Variants in CPVL observed in about 807,000 individuals in gnomAD.
CPVL encodes the protein probable serine carboxypeptidase CPVL.
A neutral mutation model predicts 63.7 loss-of-function variants in CPVL; 51 were observed. The observed-to-expected ratio is 0.80, with a 90% CI of 0.64 to 1.01. The LOEUF (loss-of-function observed/expected upper bound fraction) is 1.01, where lower values mean the gene tolerates loss of function less well. Ranked by LOEUF, CPVL falls within the 50% of genes least tolerant of loss-of-function variation. The pLI is 0.00. For missense variants in CPVL, 530 were observed against 573.1 expected (o/e 0.92, Z 0.77); for synonymous variants, 195 against 206.0 (o/e 0.95, Z 0.46).
At chr7:29,082,834 T>C (rs1784862654) in intron 7 of CPVL, among the ~76,000 whole-genome samples, 1 of 152,210 alleles carries the variant, frequency 6.6e-6, no homozygotes, top group Non-Finnish European at 1.5e-5. Flanking sequence ...TTGCCAAACA[T>C]CATGGTTTGT....
chr7:29,017,712 G>A (rs1007163309), intron 12 of CPVL, among the ~76,000 whole-genome samples: 1 of 152,218 alleles, frequency 6.6e-6, no homozygotes, highest in African/African-American at 2.4e-5. Flanking sequence ...TGTGGATTCA[G>A]AGCTAACACT....
chr7:29,095,489 T>A (rs1183690488), intron 4 of CPVL, among the ~76,000 whole-genome samples: 2 of 151,866 alleles, frequency 1.3e-5, no homozygotes, highest in African/African-American at 4.8e-5. Context: ...TAATGCTCCA[T>A]CTCTTGAACA....
intron 2 of CPVL, among the ~76,000 whole-genome samples, chr7:29,118,170 C>T (rs1156540338): frequency 6.6e-6 from 1 of 152,204 alleles, no homozygotes; most frequent in Non-Finnish European, 1.5e-5. Context: ...GTCCTAAACC[C>T]ATCTCTGCTA....
At position 29,189,787 on chromosome 7, in the gene CPVL, A is replaced by G. The variant is rs553030796; in HGVS notation, c.-447-3240T>C. On this transcript the variant is annotated intron_variant, in intron 1 of 16. Coordinates refer to the CPVL transcript ENST00000409850. ...CTGCATGTGCCGATCTGATCCGCCC[A>G]AGCTAAGTGGCCAAATAGGATACTC... Among the ~76,000 whole-genome samples, 7 of 151,878 alleles carry G rather than the reference A, an allele frequency of 4.6e-5. No individual in the cohort carries two copies. The South Asian group carries it at 1.5e-3, about 32-fold the overall frequency.
intron 12 of CPVL, chr7:29,012,714 A>G (rs1192944994): frequency 6.6e-6 from 1 of 152,202 alleles, no homozygotes; most frequent in Non-Finnish European, 1.5e-5. Flanking sequence ...ATACTTCAGG[A>G]ATCAGAATGA....
chr7:29,076,288 C>T (rs537240704), intron 7 of CPVL, among the ~76,000 whole-genome samples: 1 of 152,238 alleles, frequency 6.6e-6, no homozygotes, highest in Admixed American at 6.5e-5. Context: ...CTCTTGGTCC[C>T]GTGGCTTCTC....
At chr7:29,038,721 T>C (rs942903937) in intron 11 of CPVL, among the ~76,000 whole-genome samples, 9 of 152,222 alleles carry the variant, frequency 5.9e-5, no homozygotes, top group African/African-American at 2.2e-4. Context: ...AAATATTCTC[T>C]GTATCCATAC....
At position 29,158,062 on chromosome 7, in the gene CPVL, G is replaced by GA. The variant is rs534634133; in HGVS notation, c.-11+23227dup. On this transcript the variant is annotated intron_variant, in intron 5 of 16. Coordinates refer to the CPVL transcript ENST00000409850. ...GGCAGGGAGGTAATCAAATAAAGGA[G>GA]AAAAAAGACACAATGAGCTCATCAC... Among the ~76,000 whole-genome samples, 179 of 152,212 alleles carry GA rather than the reference G, an allele frequency of 1.2e-3. 5 individuals are homozygous for GA. In the South Asian group the frequency reaches 0.028, roughly 24 times the overall value.
intron 1 of CPVL, among the ~76,000 whole-genome samples, chr7:29,136,087 G>T (rs1791194467): frequency 6.6e-6 from 1 of 152,130 alleles, no homozygotes; most frequent in Admixed American, 6.6e-5. Flanking sequence ...CAGAATAACA[G>T]TTATATTTAA....
chr7:29,027,308 A>G (rs1279034969), intron 12 of CPVL, among the ~76,000 whole-genome samples: 1 of 152,188 alleles, frequency 6.6e-6, no homozygotes, highest in Non-Finnish European at 1.5e-5. Flanking sequence ...AAAAACTGTC[A>G]ACAAATCAGG....
At chr7:29,070,204 G>A (rs1384972711) in intron 9 of CPVL, among the ~76,000 whole-genome samples, 1 of 152,106 alleles carries the variant, frequency 6.6e-6, no homozygotes, top group East Asian at 1.9e-4. Context: ...ATCCGGTTTG[G>A]GAGAGATTCT....
intron 4 of CPVL, 142 bp downstream of exon 4, chr7:29,095,961 T>C (rs946610104): frequency 5.5e-6 from 4 of 731,658 alleles, no homozygotes; most frequent in East Asian, 2.5e-5. Flanking sequence ...CTCGGATGGA[T>C]ATTGCCAGAA....
chr7:29,173,416 C>T (rs185020515), intron 5 of CPVL, among the ~76,000 whole-genome samples: 4 of 152,114 alleles, frequency 2.6e-5, no homozygotes, highest in Admixed American at 6.5e-5. Context: ...GATTTCTGCT[C>T]CTGCTTGGAA....
At chr7:29,026,040 A>C (rs1193627727) in intron 12 of CPVL, among the ~76,000 whole-genome samples, 1 of 152,204 alleles carries the variant, frequency 6.6e-6, no homozygotes, top group Non-Finnish European at 1.5e-5. Context: ...AGCACAGGAA[A>C]CATTCTCTAG....
intron 1 of CPVL, chr7:29,193,307 A>T (rs572195018): frequency 1.2e-4 from 18 of 152,006 alleles, no homozygotes; most frequent in Admixed American, 2.6e-4. Context: ...GTGGGTGCGT[A>T]CTGTGATTAT....
At chr7:29,101,546 A>G (rs1584264302) in intron 3 of CPVL, among the ~76,000 whole-genome samples, 1 of 152,200 alleles carries the variant, frequency 6.6e-6, no homozygotes, top group African/African-American at 2.4e-5. Flanking sequence ...AGTGAGCCAA[A>G]ATAGCGCCAC....
At chr7:29,161,764 A>G (rs893637505) in intron 5 of CPVL, among the ~76,000 whole-genome samples, 1 of 152,228 alleles carries the variant, frequency 6.6e-6, no homozygotes, top group African/African-American at 2.4e-5. Flanking sequence ...CTGGAAGAAA[A>G]TATTTGCAAA....
chr7:29,194,640 G>A, intron 1 of CPVL: 1 of 310,148 alleles, frequency 3.2e-6, no homozygotes, highest in Non-Finnish European at 5.8e-6. Flanking sequence ...GGCGGGAGCC[G>A]AGATCCGCCC....
intron 9 of CPVL, among the ~76,000 whole-genome samples, chr7:29,066,339 C>T (rs571862325): frequency 6.6e-6 from 1 of 152,110 alleles, no homozygotes; most frequent in Non-Finnish European, 1.5e-5. Flanking sequence ...CCCCATGGAG[C>T]TTTTATTCTG....
Sources: gnomAD v4.1 joint callset for allele counts (sites outside exome capture counted in the v4.1 genomes callset) on GRCh38, gnomAD v4.1.1 for gene constraint, MANE v1.5 for transcripts, NCBI Gene and HGNC (gene_info 2026-07-23, HGNC 2026-07-21) for gene names.